Variants in PDZK1 observed in about 807,000 individuals in gnomAD.
PDZK1 encodes Na(+)/H(+) exchange regulatory cofactor NHE-RF3.
PDZK1 carries 23 observed loss-of-function variants against 38.1 expected under a neutral mutation model. That is an observed-to-expected ratio of 0.60 (90% CI 0.43 to 0.85). The LOEUF (loss-of-function observed/expected upper bound fraction) is 0.85, where lower values mean the gene tolerates loss of function less well. PDZK1 is among the 40% of genes least tolerant of loss of function. The probability of loss-of-function intolerance (pLI) is 0.00; values close to 1 mark genes in which losing one functional copy is unlikely to be tolerated. For missense variants in PDZK1, 297 were observed against 504.3 expected (o/e 0.59, Z 3.94); for synonymous variants, 98 against 186.2 (o/e 0.53, Z 3.86).
At chr1:145,675,731 T>C (rs2101873399) in intron 6 of PDZK1, among the ~76,000 whole-genome samples, 1 of 152,116 alleles carries the variant, frequency 6.6e-6, no homozygotes, top group Non-Finnish European at 1.5e-5. Flanking sequence ...ACACTTGAGA[T>C]TTTGGCCGGG....
At chr1:145,700,096 G>A (rs868954745) in intron 1 of PDZK1, among the ~76,000 whole-genome samples, 2 of 152,142 alleles carry the variant, frequency 1.3e-5, no homozygotes, top group African/African-American at 4.8e-5. Context: ...CAGAAGACAG[G>A]AAGAAATTAC....
At chr1:145,705,580 G>A (rs1218228787) in intron 1 of PDZK1, among the ~76,000 whole-genome samples, 1 of 152,174 alleles carries the variant, frequency 6.6e-6, no homozygotes, top group Non-Finnish European at 1.5e-5. Flanking sequence ...CATTAATGAT[G>A]ATCTGGTCTC....
Position 145,678,073 on chromosome 1 carries a change from C to G in PDZK1, c.990+376G>C, listed in dbSNP as rs1319745865. Among the ~76,000 whole-genome samples, 4 of 99,284 alleles carry G rather than the reference C, an allele frequency of 4.0e-5. No individual in the cohort carries two copies. The East Asian group carries it at 1.1e-3, about 28-fold the overall frequency. The allele number at this position is 99,284 out of a possible 152,430, so 65.1% of individuals were successfully genotyped here. On this transcript the variant is annotated intron_variant, in intron 6 of 8. Transcript: ENST00000417171. ...AAGGGCTTACAAGTTGTTTAATAAT[C>G]CTTTCTAGGCTTTTATGTGCAGTTG...
intron 8 of PDZK1, chr1:145,671,782 C>G: frequency 2.9e-6 from 1 of 339,086 alleles, no homozygotes; most frequent in Non-Finnish European, 5.6e-6. Context: ...GACACATTAA[C>G]AAATTCCTTA....
chr1:145,702,788 G>A (rs1553705175), intron 1 of PDZK1, among the ~76,000 whole-genome samples: 6 of 152,166 alleles, frequency 3.9e-5, no homozygotes, highest in Non-Finnish European at 1.5e-5. Context: ...AGCTACTCGG[G>A]AGGCTGAGGT....
intron 5 of PDZK1, among the ~76,000 whole-genome samples, chr1:145,680,617 T>C (rs1559065018): frequency 1.3e-5 from 2 of 151,958 alleles, no homozygotes. Context: ...ATACTACCAA[T>C]TTGGTACCAA....
chr1:145,692,899 G>A, intron 1 of PDZK1, among the ~76,000 whole-genome samples: 1 of 151,882 alleles, frequency 6.6e-6, no homozygotes, highest in Non-Finnish European at 1.5e-5. Context: ...TTAGCTGGGT[G>A]TGGTGGCGGC....
intron 6 of PDZK1, among the ~76,000 whole-genome samples, chr1:145,677,762 G>A (rs1365753603): frequency 1.2e-4 from 17 of 147,500 alleles, no homozygotes; most frequent in Admixed American, 3.4e-4. Flanking sequence ...CCTCTGTACC[G>A]CTTATTTTAG....
At chr1:145,704,247 T>G (rs776060592) in intron 1 of PDZK1, among the ~76,000 whole-genome samples, 1 of 152,242 alleles carries the variant, frequency 6.6e-6, no homozygotes, top group Non-Finnish European at 1.5e-5. Flanking sequence ...TTTAGTTTCA[T>G]GTCCCCATTG....
intron 1 of PDZK1, among the ~76,000 whole-genome samples, chr1:145,688,651 G>C (rs1359008955): frequency 6.6e-6 from 1 of 152,038 alleles, no homozygotes; most frequent in African/African-American, 2.4e-5. Context: ...GGTAGGACAG[G>C]ACAAGGAAGA....
rs190132234 is a variant in PDZK1, at chr1:145,707,163, C to T, written c.-3+154G>A. On this transcript the variant is annotated intron_variant, in intron 1 of 8. Transcript: ENST00000417171. Reference sequence around the variant, plus strand: ...TGGATCATCTCTCACCCCCAACCACCGCCAAAGGGGCCTGGCTGCCTCCCC... The same window carrying T: ...TGGATCATCTCTCACCCCCAACCACTGCCAAAGGGGCCTGGCTGCCTCCCC... 2.5e-4 allele frequency among the ~76,000 whole-genome samples: 38 copies of T among 152,252 alleles called. No individual in the cohort carries two copies. The East Asian group carries it at 5.0e-3, about 20-fold the overall frequency.
rs1434097418 is a variant in PDZK1 at position 145,671,299 on chromosome 1, A to G, written c.*137T>C. 9 of 1,424,072 alleles carry G rather than the reference A, an allele frequency of 6.3e-6. No individual in the cohort carries two copies. Among genetic ancestry groups the G allele is most frequent in the Non-Finnish European group, 8.4e-6 (9 of 1,069,218 alleles). The allele number at this position is 1,424,072 out of a possible 1,614,324, so 88.2% of individuals were successfully genotyped here. On this transcript the variant is annotated 3_prime_UTR_variant, in exon 9 of 9. Coordinates refer to ENST00000417171, the MANE Select transcript of PDZK1 (RefSeq NM_001201325.2). ...AAATGATAACAGAAGACAATCACAC[A>G]TGGTGAATGGTTTCCAGTGGAGTTT...
At chr1:145,681,321 C>T (rs1352914788) in intron 4 of PDZK1, among the ~76,000 whole-genome samples, 3 of 142,214 alleles carry the variant, frequency 2.1e-5, no homozygotes, top group East Asian at 4.0e-4. Context: ...GTCACTCTTT[C>T]GCCCAGGCTG....
intron 2 of PDZK1, 113 bp from the exon 3 acceptor site, chr1:145,686,839 G>A: frequency 1.3e-6 from 1 of 747,786 alleles, no homozygotes; most frequent in Non-Finnish European, 2.2e-6. Context: ...GTTGACCCTT[G>A]ACACCCAAGT....
chr1:145,702,325 G>A (rs779269780), intron 1 of PDZK1, among the ~76,000 whole-genome samples: 1 of 152,022 alleles, frequency 6.6e-6, no homozygotes, highest in African/African-American at 2.4e-5. Context: ...TATGAGTTGG[G>A]AGAGGGATAG....
At position 145,671,280 on chromosome 1, in the gene PDZK1, T is replaced by TA. The variant is rs1451290300; in HGVS notation, c.*155dup. 8.1e-7 allele frequency: 1 copy of TA among 1,238,986 alleles called. No homozygotes were observed. Among genetic ancestry groups the TA allele is most frequent in the African/African-American group, 1.5e-5 (1 of 64,878 alleles). The allele number at this position is 1,238,986 out of a possible 1,614,324, so 76.7% of individuals were successfully genotyped here. ...CAATAGCCGCCTGTAAGACAAATGA[T>TA]AACAGAAGACAATCACACATGGTGA... On this transcript the variant is annotated 3_prime_UTR_variant, in exon 9 of 9. Coordinates refer to ENST00000417171, the MANE Select transcript of PDZK1 (RefSeq NM_001201325.2).
At chr1:145,698,219 G>A (rs587719097) in intron 1 of PDZK1, among the ~76,000 whole-genome samples, 5 of 152,130 alleles carry the variant, frequency 3.3e-5, no homozygotes, top group Admixed American at 1.3e-4. Flanking sequence ...GAGAGGGGAC[G>A]GAGGAAAAGC....
intron 8 of PDZK1, among the ~76,000 whole-genome samples, chr1:145,672,442 C>T (rs1288799938): frequency 6.7e-6 from 1 of 150,366 alleles, no homozygotes; most frequent in Admixed American, 6.7e-5. Context: ...CTAGATCATC[C>T]GATTCAGGCT....
At chr1:145,689,611 A>C (rs975620985) in intron 1 of PDZK1, among the ~76,000 whole-genome samples, 2 of 152,212 alleles carry the variant, frequency 1.3e-5, no homozygotes, top group Non-Finnish European at 2.9e-5. Flanking sequence ...GCTGATACAG[A>C]AGGCAGAAGG....
Sources: allele counts gnomAD v4.1 joint callset (sites outside exome capture counted in the v4.1 genomes callset), GRCh38; gene constraint gnomAD v4.1.1; transcripts MANE v1.5; gene names NCBI Gene and HGNC (gene_info 2026-07-23, HGNC 2026-07-21).